Variants in METTL15 observed in about 807,000 individuals in gnomAD.
METTL15 encodes 12S rRNA N(4)-cytidine methyltransferase METTL15.
A neutral mutation model predicts 38.3 loss-of-function variants in METTL15; 34 were observed. That is an observed-to-expected ratio of 0.89 (90% confidence interval 0.68 to 1.18). The LOEUF is 1.18. Among genes scored for constraint, METTL15 ranks in the 50% most tolerant of loss-of-function variants. The pLI is 0.00. For synonymous variants in METTL15, 162 were observed against 170.9 expected, an observed-to-expected ratio of 0.95 and a Z score of 0.41; for missense variants, 438 against 498.4, an observed-to-expected ratio of 0.88 and a Z score of 1.15.
chr11:28,462,479 T>TAC (rs10573384), intron 6 of METTL15, among the ~76,000 whole-genome samples: 3,362 of 146,350 alleles, frequency 0.023, 47 homozygotes, highest in African/African-American at 0.039. Flanking sequence ...CATACACGCT[T>TAC]ACACACACAC....
At chr11:28,436,233 C>G (rs1363738177) in intron 6 of METTL15, among the ~76,000 whole-genome samples, 1 of 152,224 alleles carries the variant, frequency 6.6e-6, no homozygotes, top group Non-Finnish European at 1.5e-5. Flanking sequence ...CACCATTATT[C>G]TAGCTTCTGC....
At chr11:28,460,874 A>G (rs1305957436) in intron 6 of METTL15, among the ~76,000 whole-genome samples, 2 of 152,110 alleles carry the variant, frequency 1.3e-5, no homozygotes, top group African/African-American at 2.4e-5. Flanking sequence ...TAGGAGGAAC[A>G]AAAAGTATAC....
At chr11:28,308,892 G>GTAGA (rs68044190) in intron 6 of METTL15, among the ~76,000 whole-genome samples, 55,007 of 146,800 alleles carry the variant, frequency 0.37, 10,408 homozygotes, top group South Asian at 0.42. Context: ...AGGTAGGTAG[G>GTAGA]TAGATAGATA....
At chr11:28,247,972 AAT>A (rs1481733541) in intron 4 of METTL15, among the ~76,000 whole-genome samples, 1 of 152,072 alleles carries the variant, frequency 6.6e-6, no homozygotes, top group Non-Finnish European at 1.5e-5. Context: ...AAGTTGTCAA[AAT>A]ATGTCTTTGG....
intron 6 of METTL15, among the ~76,000 whole-genome samples, chr11:28,321,938 A>G (rs1849485461): frequency 1.3e-5 from 2 of 152,078 alleles, no homozygotes; most frequent in Non-Finnish European, 2.9e-5. Flanking sequence ...TCAAGAGGGT[A>G]CTTCAAATGG....
intron 4 of METTL15, among the ~76,000 whole-genome samples, chr11:28,276,339 CT>C (rs374884019): frequency 6.8e-4 from 103 of 152,092 alleles, no homozygotes; most frequent in African/African-American, 2.3e-3. Context: ...GGCAATTCCA[CT>C]TACAATAGCT....
intron 5 of METTL15, among the ~76,000 whole-genome samples, chr11:28,293,137 A>G (rs1307851129): frequency 2.6e-5 from 4 of 152,158 alleles, no homozygotes; most frequent in Non-Finnish European, 2.9e-5. Context: ...ACCCATGCCT[A>G]TGTCCTGAAT....
chr11:28,115,493 G>A (rs1199572124), intron 3 of METTL15, among the ~76,000 whole-genome samples: 1 of 151,954 alleles, frequency 6.6e-6, no homozygotes, highest in Non-Finnish European at 1.5e-5. Flanking sequence ...CCTGACCTCA[G>A]GTGATCCACC....
intron 4 of METTL15, among the ~76,000 whole-genome samples, chr11:28,256,592 C>CT (rs1454080728): frequency 6.6e-6 from 1 of 151,926 alleles, no homozygotes; most frequent in Non-Finnish European, 1.5e-5. Context: ...AATCTTCTCT[C>CT]TTTTTTTGGT....
chr11:28,503,617 C>T (rs1038038482), intron 6 of METTL15, among the ~76,000 whole-genome samples: 2 of 148,556 alleles, frequency 1.3e-5, no homozygotes, highest in Admixed American at 1.4e-4. Context: ...ATGGTAAAAC[C>T]CCGTCTCTAC....
At chr11:28,270,023 G>A (rs1260616870) in intron 4 of METTL15, among the ~76,000 whole-genome samples, 1 of 152,162 alleles carries the variant, frequency 6.6e-6, no homozygotes, top group African/African-American at 2.4e-5. Flanking sequence ...TTTAGGAGAT[G>A]CCTGTGTATA....
At chr11:28,392,132 C>T (rs1034083643) in intron 5 of METTL15, among the ~76,000 whole-genome samples, 1 of 152,044 alleles carries the variant, frequency 6.6e-6, no homozygotes, top group South Asian at 2.1e-4. Flanking sequence ...AAACAAACAA[C>T]CCCATCAAAA....
intron 3 of METTL15, among the ~76,000 whole-genome samples, chr11:28,195,368 C>G (rs748718279): frequency 1.3e-5 from 2 of 152,200 alleles, no homozygotes; most frequent in Middle Eastern, 3.4e-3. Flanking sequence ...CACATTCACA[C>G]TAGCATCTAT....
chr11:28,508,137 C>T (rs1851645142), intron 6 of METTL15, among the ~76,000 whole-genome samples: 2 of 152,062 alleles, frequency 1.3e-5, no homozygotes, highest in East Asian at 1.9e-4. Flanking sequence ...ATTTCCTGCT[C>T]AGAGCCCTGC....
rs142026784 is a variant in METTL15 at position 28,312,924 on chromosome 11, T to A, written c.778+15993T>A. 2.0e-5 allele frequency among the ~76,000 whole-genome samples: 3 copies of A among 152,240 alleles called. No homozygotes were observed. The East Asian group carries it at 5.8e-4, about 29-fold the overall frequency. On this transcript the variant is annotated intron_variant, in intron 6 of 6. Transcript: ENST00000407364. ...ATACTGTTAACATTGGGCATTAAGTTTCAACACATGAACTTTGGGGAACAC... is the reference window on the plus strand; with the variant it reads ...ATACTGTTAACATTGGGCATTAAGTATCAACACATGAACTTTGGGGAACAC...
intron 4 of METTL15, among the ~76,000 whole-genome samples, chr11:28,234,862 A>C (rs1853872075): frequency 6.8e-6 from 1 of 147,666 alleles, no homozygotes. Flanking sequence ...TTGGTGTTTT[A>C]GACATGAAGT....
At chr11:28,183,105 T>G (rs1269689857) in intron 3 of METTL15, among the ~76,000 whole-genome samples, 1 of 152,126 alleles carries the variant, frequency 6.6e-6, no homozygotes, top group Non-Finnish European at 1.5e-5. Flanking sequence ...GCACATTGAT[T>G]TTGTATCCTG....
intron 6 of METTL15, among the ~76,000 whole-genome samples, chr11:28,487,127 T>TG (rs1217445219): frequency 1.3e-5 from 2 of 152,260 alleles, no homozygotes; most frequent in African/African-American, 2.4e-5. Flanking sequence ...ACAGCCTTTC[T>TG]GGGGGGCAAT....
intron 3 of METTL15, among the ~76,000 whole-genome samples, chr11:28,349,998 GTCTT>G (rs1850027885): frequency 1.3e-5 from 2 of 152,140 alleles, no homozygotes; most frequent in Non-Finnish European, 2.9e-5. Flanking sequence ...TCCCTTAAAA[GTCTT>G]TCTGTTGCTA....
Sources: gnomAD v4.1 joint callset for allele counts (sites outside exome capture counted in the v4.1 genomes callset) on GRCh38, gnomAD v4.1.1 for gene constraint, MANE v1.5 for transcripts, NCBI Gene and HGNC (gene_info 2026-07-23, HGNC 2026-07-21) for gene names.